STON1: variants seen among roughly 807,000 people sequenced by gnomAD.
STON1 encodes the protein stonin 1.
STON1 carries 79 observed loss-of-function variants against 60.9 expected under a neutral mutation model. The observed-to-expected ratio is 1.30, with a 90% confidence interval of 1.08 to 1.56. The LOEUF is 1.56. Ranked by LOEUF, STON1 falls within the 40% of genes most tolerant of loss-of-function variation. The pLI is 0.00. For synonymous variants in STON1, 363 were observed against 306.9 expected (o/e 1.18, Z -1.91); for missense variants, 1,166 against 858.9 (o/e 1.36, Z -4.47).
chr2:48,586,501 C>G (rs1004880338), intron 2 of STON1, among the ~76,000 whole-genome samples: 1 of 152,156 alleles, frequency 6.6e-6, no homozygotes, highest in African/African-American at 2.4e-5. Context: ...AATAAACTGC[C>G]TGGGGACTAG....
intron 1 of STON1, chr2:48,569,050 G>A (rs375192631): frequency 6.6e-6 from 1 of 152,210 alleles, no homozygotes; most frequent in South Asian, 2.1e-4. Context: ...CCTGGTCACA[G>A]TCTAGGTTCT....
intron 1 of STON1, among the ~76,000 whole-genome samples, chr2:48,575,250 A>G (rs1383931536): frequency 2.0e-5 from 3 of 152,190 alleles, no homozygotes; most frequent in Non-Finnish European, 4.4e-5. Flanking sequence ...CATTTTCTTT[A>G]TGCATCCATC....
intron 2 of STON1, among the ~76,000 whole-genome samples, chr2:48,585,483 A>G (rs1006807605): frequency 3.3e-5 from 5 of 152,078 alleles, no homozygotes; most frequent in African/African-American, 7.2e-5. Context: ...TCCCAACCTC[A>G]GGTGATCCAC....
At chr2:48,567,019 A>C (rs949859997) in intron 1 of STON1, among the ~76,000 whole-genome samples, 3 of 152,202 alleles carry the variant, frequency 2.0e-5, no homozygotes, top group African/African-American at 7.2e-5. Context: ...CAAGGTAAAA[A>C]AAAAAAGTTG....
intron 1 of STON1, among the ~76,000 whole-genome samples, chr2:48,571,121 G>T (rs993739622): frequency 1.3e-5 from 2 of 152,156 alleles, no homozygotes; most frequent in African/African-American, 4.8e-5. Flanking sequence ...CTTCCAAAGT[G>T]CTGGGATTAC....
At chr2:48,570,122 G>A (rs1673125886) in intron 1 of STON1, among the ~76,000 whole-genome samples, 1 of 152,184 alleles carries the variant, frequency 6.6e-6, no homozygotes, top group Admixed American at 6.5e-5. Flanking sequence ...ATCACTTGAG[G>A]TCAGGAGTTT....
chr2:48,554,707 A>ATTTTTTTTTTTTTTTTTT (rs11475306), intron 1 of STON1, among the ~76,000 whole-genome samples: 1 of 88,804 alleles, frequency 1.1e-5, no homozygotes, highest in Non-Finnish European at 2.3e-5. Context: ...TAAGTGCAAA[A>ATTTTTTTTTTTTTTTTTT]TTTTTTTTTT....
Position 48,582,467 on chromosome 2 carries a change from G to T in STON1, c.1834G>T (p.Glu612Ter), listed in dbSNP as rs181621623. ...CLGSLQELESEPVIQVTVGSA... is the reference protein window; with the variant it reads ...CLGSLQELES ...GGGGAGTTTACAGGAACTTGAATCT[G>T]AACCTGTCATTCAAGTCACTGTGGG... Residue 612 changes from glutamate to a stop codon, truncating the protein, a stop_gained, in exon 2 of 4, where the codon GAA becomes TAA. Transcript: ENST00000404752. LOFTEE classifies it high-confidence loss of function. 6.2e-7 allele frequency: 1 copy of T among 1,614,220 alleles called. No homozygotes were observed. The highest frequency in any genetic ancestry group is 2.2e-5 in the East Asian group (1 of 44,890).
intron 1 of STON1, among the ~76,000 whole-genome samples, chr2:48,578,533 TCC>T (rs1673661492): frequency 8.0e-5 from 3 of 37,574 alleles, no homozygotes; most frequent in Non-Finnish European, 2.6e-4. Flanking sequence ...TTCCTCTTTC[TCC>T]TCCTTCTCCT....
At chr2:48,540,690 G>C (rs1306035686) in intron 1 of STON1, among the ~76,000 whole-genome samples, 1 of 152,174 alleles carries the variant, frequency 6.6e-6, no homozygotes, top group Non-Finnish European at 1.5e-5. Context: ...ACCCAAAGAC[G>C]GCGCTCTTGA....
At chr2:48,587,160 T>C (rs540575904) in intron 2 of STON1, among the ~76,000 whole-genome samples, 2 of 152,304 alleles carry the variant, frequency 1.3e-5, no homozygotes, top group African/African-American at 2.4e-5. Flanking sequence ...CAGGTGTTGA[T>C]GTTTATAAAG....
intron 1 of STON1, among the ~76,000 whole-genome samples, chr2:48,555,555 C>T (rs1378480751): frequency 1.5e-5 from 1 of 64,620 alleles, no homozygotes; most frequent in Non-Finnish European, 3.2e-5. Context: ...GGGGCTGACA[C>T]CCCCACCTCC....
chr2:48,545,636 T>G (rs1237692665), intron 1 of STON1, among the ~76,000 whole-genome samples: 1 of 152,244 alleles, frequency 6.6e-6, no homozygotes, highest in Non-Finnish European at 1.5e-5. Context: ...CTCCTCACTC[T>G]CCATGGCTAT....
chr2:48,563,988 C>G (rs1672721049), intron 1 of STON1, among the ~76,000 whole-genome samples: 1 of 149,494 alleles, frequency 6.7e-6, no homozygotes, highest in African/African-American at 2.5e-5. Flanking sequence ...TGTGAGCCAC[C>G]ACGCCTGCCC....
At chr2:48,574,976 C>T (rs911997983) in intron 1 of STON1, among the ~76,000 whole-genome samples, 1 of 152,220 alleles carries the variant, frequency 6.6e-6, no homozygotes, top group Non-Finnish European at 1.5e-5. Flanking sequence ...ACCTTTTCAT[C>T]TTACATAACT....
At chr2:48,565,768 C>T (rs958248833) in intron 1 of STON1, among the ~76,000 whole-genome samples, 4 of 152,090 alleles carry the variant, frequency 2.6e-5, no homozygotes, top group African/African-American at 7.2e-5. Context: ...TAACATATAT[C>T]GAGTACATTT....
intron 1 of STON1, among the ~76,000 whole-genome samples, chr2:48,564,414 T>TTCC (rs1672747178): frequency 4.3e-5 from 3 of 69,570 alleles, no homozygotes; most frequent in African/African-American, 1.1e-4. Context: ...TGTCTTCTTC[T>TTCC]TCTTCTTCTT....
Position 48,537,292 on chromosome 2 carries a change from C to G in STON1, c.-48+7076C>G, listed in dbSNP as rs185880507. ...ATTAAACTAAGAACTTTGCTCTATT[C>G]TTAATATTTTTTAACAAGGTAAAAA... On this transcript the variant is annotated intron_variant, in intron 1 of 3. Transcript: ENST00000404752. Among the ~76,000 whole-genome samples, 12 of 152,202 alleles carry G rather than the reference C, an allele frequency of 7.9e-5. No homozygotes were observed. The East Asian group carries it at 2.1e-3, about 27-fold the overall frequency.
chr2:48,587,222 C>T (rs1045112678), intron 2 of STON1, among the ~76,000 whole-genome samples: 2 of 152,226 alleles, frequency 1.3e-5, no homozygotes, highest in Non-Finnish European at 2.9e-5. Context: ...AGGCAGAGAT[C>T]ATTCCTCCCT....
Sources: allele counts gnomAD v4.1 joint callset (sites outside exome capture counted in the v4.1 genomes callset), GRCh38; gene constraint gnomAD v4.1.1; transcripts MANE v1.5; gene names NCBI Gene and HGNC (gene_info 2026-07-23, HGNC 2026-07-21).